Variants in COL4A2 observed in about 807,000 individuals in gnomAD.
COL4A2 encodes collagen alpha-2(IV) chain.
COL4A2 carries 99 observed loss-of-function variants against 200.2 expected under a neutral mutation model. The ratio of observed to expected loss-of-function variants is 0.49; its 90% CI spans 0.42 to 0.58. The LOEUF is 0.58. COL4A2 is among the 20% of genes least tolerant of loss of function. The pLI is 0.00. For synonymous variants in COL4A2, 897 were observed against 900.6 expected (o/e 1.00, Z 0.07); for missense variants, 1,950 against 2,314.1 (o/e 0.84, Z 3.23).
chr13:110,420,004 T>G (rs764006898), intron 4 of COL4A2, among the ~76,000 whole-genome samples: 23 of 152,244 alleles, frequency 1.5e-4, no homozygotes, highest in Non-Finnish European at 2.6e-4. Context: ...TATGGTGGTC[T>G]CGTGCATTGG....
intron 22 of COL4A2, 59 bp downstream of exon 22, chr13:110,458,993 C>T (rs1479793659): frequency 9.1e-6 from 13 of 1,436,310 alleles, no homozygotes; most frequent in East Asian, 5.1e-5. Context: ...CCAGGTGTCC[C>T]GTTCTTGCCT....
At chr13:110,398,287 G>A (rs779168396) in intron 4 of COL4A2, among the ~76,000 whole-genome samples, 64 of 152,242 alleles carry the variant, frequency 4.2e-4, no homozygotes, top group Middle Eastern at 3.4e-3. Flanking sequence ...AAACTCAACT[G>A]CCTATAGAAA....
chr13:110,321,390 A>G (rs1031628338), intron 3 of COL4A2, among the ~76,000 whole-genome samples: 3 of 152,246 alleles, frequency 2.0e-5, no homozygotes, highest in Admixed American at 2.0e-4. Flanking sequence ...GGCATTAAAC[A>G]TATCACATTT....
At chr13:110,350,928 T>C (rs2139380860) in intron 3 of COL4A2, among the ~76,000 whole-genome samples, 1 of 152,382 alleles carries the variant, frequency 6.6e-6, no homozygotes, top group East Asian at 1.9e-4. Context: ...TTTTCCTCTC[T>C]GTTTCCCTCT....
chr13:110,418,055 C>A (rs1450614049), intron 4 of COL4A2, among the ~76,000 whole-genome samples: 1 of 152,044 alleles, frequency 6.6e-6, no homozygotes, highest in Non-Finnish European at 1.5e-5. Context: ...GGCGTGGCCA[C>A]CTTTTTCTGT....
intron 47 of COL4A2, among the ~76,000 whole-genome samples, chr13:110,509,268 TATAC>T (rs1341704574): frequency 3.1e-3 from 373 of 120,568 alleles, no homozygotes; most frequent in African/African-American, 9.4e-3. Context: ...TATATATATA[TATAC>T]ACACACACAC....
intron 47 of COL4A2, among the ~76,000 whole-genome samples, chr13:110,510,230 A>T (rs1159917776): frequency 6.6e-6 from 1 of 152,186 alleles, no homozygotes; most frequent in Non-Finnish European, 1.5e-5. Flanking sequence ...GCCCCAGAGG[A>T]TGCATTTTCT....
At chr13:110,455,560 T>C (rs1881697278) in intron 20 of COL4A2, among the ~76,000 whole-genome samples, 1 of 152,180 alleles carries the variant, frequency 6.6e-6, no homozygotes, top group Admixed American at 6.5e-5. Context: ...TGTCTCCACG[T>C]CTAAGCTGTA....
Position 110,384,649 on chromosome 13 carries a change from C to T in COL4A2, c.180+27097C>T, listed in dbSNP as rs117529028. Among the ~76,000 whole-genome samples the T allele has an allele frequency of 8.2e-4, 125 of 152,318 alleles. 1 individual carries two copies. In the East Asian group the frequency reaches 0.023, roughly 28 times the overall value. On this transcript the variant is annotated intron_variant, in intron 4 of 47. Coordinates refer to ENST00000360467, the MANE Select transcript of COL4A2 (RefSeq NM_001846.4). ...GACTGTCTCCTGCTCATGCTCAAAG[C>T]CCACACCCAATGTCACCTTCTGGGG... is the stretch of plus-strand genomic sequence containing the variant.
At chr13:110,328,153 T>C (rs2139358534) in intron 3 of COL4A2, among the ~76,000 whole-genome samples, 1 of 152,332 alleles carries the variant, frequency 6.6e-6, no homozygotes, top group East Asian at 1.9e-4. Context: ...AAAAAAATCT[T>C]CTTAAGGAAC....
chr13:110,502,053 G>A (rs753214930), intron 41 of COL4A2, among the ~76,000 whole-genome samples: 7 of 152,136 alleles, frequency 4.6e-5, no homozygotes, highest in Non-Finnish European at 8.8e-5. Flanking sequence ...CAGTATGAAC[G>A]GCTTTCTTCT....
intron 3 of COL4A2, among the ~76,000 whole-genome samples, chr13:110,317,215 C>CCA (rs34254684): frequency 0.18 from 27,335 of 147,792 alleles, 2,968 homozygotes; most frequent in East Asian, 0.5. Context: ...CACGTGCACC[C>CCA]CACACACACA....
chr13:110,485,446 C>T (rs577920604), intron 33 of COL4A2, among the ~76,000 whole-genome samples: 5 of 146,440 alleles, frequency 3.4e-5, no homozygotes, highest in African/African-American at 1.3e-4. Context: ...TGGCGTGAAC[C>T]GGGGAGGCAG....
intron 32 of COL4A2, 64 bp from the exon 33 acceptor site, chr13:110,484,841 T>C: frequency 6.6e-7 from 1 of 1,512,494 alleles, no homozygotes; most frequent in Non-Finnish European, 8.9e-7. Flanking sequence ...GACCAGGCCT[T>C]CACCTGTGTT....
intron 13 of COL4A2, among the ~76,000 whole-genome samples, chr13:110,437,141 G>A (rs1296645395): frequency 6.6e-6 from 1 of 152,060 alleles, no homozygotes; most frequent in Non-Finnish European, 1.5e-5. Context: ...CTTGGGTCCT[G>A]TGTCCTGGGT....
Position 110,307,680 on chromosome 13 carries a change from C to A in COL4A2, c.-45+152C>A, listed in dbSNP as rs569895847. 6.6e-6 allele frequency among the ~76,000 whole-genome samples: 1 copy of A among 152,098 alleles called. No homozygotes were observed. The highest frequency in any genetic ancestry group is 1.5e-5 in the Non-Finnish European group (1 of 68,016). On this transcript the variant is annotated intron_variant, in intron 1 of 47. Transcript: ENST00000360467. The surrounding 1 kb of genome is among the most constrained non-coding windows in gnomAD (Gnocchi z 5.0). ...ACCGAGCTCCTCGGCCAAGGAGCAC[C>A]CACAGGGGCCTAACGGGAGGCTCTC...
intron 20 of COL4A2, among the ~76,000 whole-genome samples, chr13:110,455,791 G>A (rs1039455815): frequency 2.0e-5 from 3 of 152,178 alleles, no homozygotes; most frequent in African/African-American, 7.2e-5. Context: ...AAACTCCCGT[G>A]CTCTTTTCCA....
intron 4 of COL4A2, among the ~76,000 whole-genome samples, chr13:110,401,063 GTT>G (rs1879356181): frequency 6.6e-6 from 1 of 152,194 alleles, no homozygotes; most frequent in African/African-American, 2.4e-5. Context: ...GGCTTCAGCA[GTT>G]TTCAGTTTTA....
At chr13:110,316,873 T>C (rs943544187) in intron 3 of COL4A2, among the ~76,000 whole-genome samples, 1 of 152,038 alleles carries the variant, frequency 6.6e-6, no homozygotes, top group South Asian at 2.1e-4. Flanking sequence ...ATACAGAAAT[T>C]GTGGTACATG....
Sources: gnomAD v4.1 joint callset for allele counts (sites outside exome capture counted in the v4.1 genomes callset) on GRCh38, gnomAD v4.1.1 for gene constraint, Gnocchi (gnomAD v3.1) non-coding constraint, MANE v1.5 for transcripts, NCBI Gene and HGNC (gene_info 2026-07-23, HGNC 2026-07-21) for gene names.